SSH2: variants seen among roughly 807,000 people sequenced by gnomAD.
SSH2 encodes the protein slingshot protein phosphatase 2.
In SSH2, 37 loss-of-function variants were observed where a neutral mutation model predicts 135.2. The observed-to-expected ratio is 0.27, with a 90% CI of 0.21 to 0.36. The LOEUF (loss-of-function observed/expected upper bound fraction) is 0.36, where lower values mean the gene tolerates loss of function less well. SSH2 is among the 10% of genes least tolerant of loss of function. The pLI is 1.00. For missense variants in SSH2, 1,408 were observed against 1,765.3 expected, an observed-to-expected ratio of 0.80 and a Z score of 3.63; for synonymous variants, 628 against 646.2, an observed-to-expected ratio of 0.97 and a Z score of 0.43.
intron 6 of SSH2, among the ~76,000 whole-genome samples, chr17:29,684,320 T>C (rs150579191): frequency 0.03 from 4,609 of 152,014 alleles, 91 homozygotes; most frequent in Middle Eastern, 0.054. Flanking sequence ...CTACTAAAAA[T>C]ACAAAAATTA....
chr17:29,658,366 T>C (rs2151016013), intron 11 of SSH2, among the ~76,000 whole-genome samples: 1 of 152,100 alleles, frequency 6.6e-6, no homozygotes, highest in East Asian at 1.9e-4. Flanking sequence ...TCAGTGGCTA[T>C]TCACAGGTGC....
chr17:29,761,361 G>T, intron 3 of SSH2: 2 of 1,073,718 alleles, frequency 1.9e-6, no homozygotes, highest in Non-Finnish European at 2.3e-6. Context: ...GCACCCGGCG[G>T]CGGAGGCGGG....
chr17:29,748,158 A>G (rs183601400), intron 3 of SSH2, among the ~76,000 whole-genome samples: 1 of 152,370 alleles, frequency 6.6e-6, no homozygotes, highest in Admixed American at 6.5e-5. Context: ...TGATTCCAAG[A>G]AAGCCAAAGT....
intron 5 of SSH2, among the ~76,000 whole-genome samples, chr17:29,688,302 C>A (rs563554186): frequency 6.6e-6 from 1 of 152,110 alleles, no homozygotes; most frequent in African/African-American, 2.4e-5. Context: ...AGCCACTACG[C>A]CCGGCCAGAT....
At chr17:29,917,019 TAA>T (rs777648253) in intron 1 of SSH2, among the ~76,000 whole-genome samples, 56 of 129,416 alleles carry the variant, frequency 4.3e-4, no homozygotes, top group Admixed American at 5.6e-4. Context: ...TCTGTAGCAG[TAA>T]AAAAAAAAAA....
At chr17:29,720,307 A>G (rs540683418) in intron 3 of SSH2, among the ~76,000 whole-genome samples, 1 of 152,294 alleles carries the variant, frequency 6.6e-6, no homozygotes, top group Non-Finnish European at 1.5e-5. Flanking sequence ...GTAACTCTCA[A>G]AATTAATTGG....
rs766344498 is a variant in SSH2 at position 29,632,853 on chromosome 17, T to C, written c.2341A>G (p.Thr781Ala). The C allele has an allele frequency of 1.2e-6, 2 of 1,614,198 alleles. No homozygotes were observed. Among genetic ancestry groups the C allele is most frequent in the South Asian group, 1.1e-5 (1 of 91,090 alleles). Reference sequence around the variant, plus strand: ...CCTTGACTGATGGACTCAATTTCAGTGACAATTTCTTTGACTGAAATTGCA... The same window carrying C: ...CCTTGACTGATGGACTCAATTTCAGCGACAATTTCTTTGACTGAAATTGCA... ...ENAISVKEIV[T>A]EIESISQGVG... The change falls in exon 16 of 16, where the codon ACT (threonine) becomes GCT (alanine). Residue 781 changes from threonine to alanine, a missense_variant. Thr to Ala is a moderately conservative substitution (Grantham distance 58). This residue lies in a region of SSH2 where 1,080 missense variants were observed against 1,144.5 expected (regional missense o/e 0.94). Coordinates refer to ENST00000540801, the MANE Select transcript of SSH2 (RefSeq NM_001282129.2).
intron 3 of SSH2, among the ~76,000 whole-genome samples, chr17:29,722,296 G>C (rs2039849679): frequency 6.7e-6 from 1 of 149,338 alleles, no homozygotes; most frequent in African/African-American, 2.5e-5. Context: ...AAAAAAGTCA[G>C]TGTAATTTAC....
At chr17:29,830,629 T>C (rs2042828551) in intron 2 of SSH2, among the ~76,000 whole-genome samples, 1 of 152,212 alleles carries the variant, frequency 6.6e-6, no homozygotes. Flanking sequence ...ACCACTGCAG[T>C]GTCTAGCACA....
intron 1 of SSH2, 108 bp downstream of exon 1, chr17:29,929,830 C>A: frequency 4.7e-6 from 5 of 1,061,664 alleles, no homozygotes; most frequent in Non-Finnish European, 5.5e-6. Context: ...AGTGCCAAGG[C>A]CTGGGAAGCG....
In SSH2 at chr17:29,700,109, C is replaced by G. The variant is rs145888755; in HGVS notation, c.292+2850G>C. On this transcript the variant is annotated intron_variant, in intron 4 of 15. Coordinates refer to ENST00000540801, the MANE Select transcript of SSH2 (RefSeq NM_001282129.2). Reference sequence around the variant, plus strand: ...GACTAAAGCTATGCTCAACTACTGGCTCAATGGGATCCAATATTTTTGGCT... The same window carrying G: ...GACTAAAGCTATGCTCAACTACTGGGTCAATGGGATCCAATATTTTTGGCT... 1.7e-3 allele frequency among the ~76,000 whole-genome samples: 253 copies of G among 152,316 alleles called. 1 individual carries two copies. The highest frequency in any genetic ancestry group is 5.8e-3 in the Admixed American group (88 of 15,296).
chr17:29,629,309 A>T lies in SSH2; in HGVS notation c.*1532T>A, dbSNP rs1876501802. On this transcript the variant is annotated 3_prime_UTR_variant, in exon 16 of 16. Transcript: ENST00000540801. ...CTACTAGGAGCTTCCACTCTGGGCA[A>T]CTCACATATACTTCCTGGCTGTGGT... is the stretch of plus-strand genomic sequence containing the variant. 1 of 152,590 alleles carries T rather than the reference A, an allele frequency of 6.6e-6. No individual in the cohort carries two copies. Among genetic ancestry groups the T allele is most frequent in the South Asian group, 2.1e-4 (1 of 4,832 alleles). The allele number at this position is 152,590 out of a possible 1,614,324, so 9.5% of individuals were successfully genotyped here.
chr17:29,676,935 T>C (rs2037746721), intron 7 of SSH2, 50 bp from the exon 8 acceptor site: 1 of 1,517,328 alleles, frequency 6.6e-7, no homozygotes, highest in South Asian at 1.1e-5. Context: ...GGGTAGGTTA[T>C]TTGAATTGTG....
intron 1 of SSH2, among the ~76,000 whole-genome samples, chr17:29,870,403 A>G (rs1478939208): frequency 6.6e-6 from 1 of 152,126 alleles, no homozygotes; most frequent in African/African-American, 2.4e-5. Context: ...AACTATTAAT[A>G]TTGTTTGTGA....
At chr17:29,848,995 C>T in intron 1 of SSH2, 66 bp from the exon 2 acceptor site, 2 of 1,083,804 alleles carry the variant, frequency 1.8e-6, no homozygotes, top group East Asian at 5.2e-5. Context: ...AGGGGAAAAG[C>T]AAGCTGAAAT....
intron 2 of SSH2, among the ~76,000 whole-genome samples, chr17:29,806,292 A>G (rs976000913): frequency 1.3e-5 from 2 of 152,208 alleles, no homozygotes; most frequent in African/African-American, 4.8e-5. Flanking sequence ...TTTTCAGTTG[A>G]TGAATCTGCC....
intron 3 of SSH2, among the ~76,000 whole-genome samples, chr17:29,763,639 G>GT (rs1245966940): frequency 6.6e-6 from 1 of 152,066 alleles, no homozygotes; most frequent in Non-Finnish European, 1.5e-5. Context: ...GTAATCATCT[G>GT]TATCTGTCTG....
intron 11 of SSH2, among the ~76,000 whole-genome samples, chr17:29,661,510 C>G (rs2037041250): frequency 6.6e-6 from 1 of 152,136 alleles, no homozygotes. Context: ...TGGTGATGTA[C>G]AGGCAAGAGC....
At chr17:29,712,077 C>G (rs953080085) in intron 3 of SSH2, among the ~76,000 whole-genome samples, 4 of 152,274 alleles carry the variant, frequency 2.6e-5, no homozygotes, top group South Asian at 4.1e-4. Flanking sequence ...TACACTGGTT[C>G]CGTCAAGAAA....
Sources: gnomAD v4.1 joint callset for allele counts (sites outside exome capture counted in the v4.1 genomes callset) on GRCh38, gnomAD v4.1.1 for gene constraint, gnomAD v4.1.1 regional missense constraint, MANE v1.5 for transcripts, NCBI Gene and HGNC (gene_info 2026-07-23, HGNC 2026-07-21) for gene names.